DRC8: variants seen among roughly 807,000 people sequenced by gnomAD.
DRC8 encodes the protein dynein regulatory complex subunit 8, also known as dynein regulatory complex protein 8.
chr1:245,121,215 G>A, the DRC8 span, among the ~76,000 whole-genome samples: 1 of 152,316 alleles, frequency 6.6e-6, no homozygotes, highest in East Asian at 1.9e-4. Flanking sequence ...ATACGGAGGT[G>A]TATTTGCAGT....
chr1:245,035,994 C>G, the DRC8 span, among the ~76,000 whole-genome samples: 1 of 152,100 alleles, frequency 6.6e-6, no homozygotes, highest in Non-Finnish European at 1.5e-5. Flanking sequence ...GGTTTCTTAG[C>G]TATGATACCT....
the DRC8 span, among the ~76,000 whole-genome samples, chr1:245,110,823 C>A: frequency 6.6e-6 from 1 of 152,230 alleles, no homozygotes; most frequent in African/African-American, 2.4e-5. Context: ...GCCTCCTCAC[C>A]CTTTGTTCCT....
At chr1:245,100,049 C>A in the DRC8 span, among the ~76,000 whole-genome samples, 1 of 152,078 alleles carries the variant, frequency 6.6e-6, no homozygotes, top group Non-Finnish European at 1.5e-5. Context: ...AAAATAAAGG[C>A]TCTTAAAAAT....
At chr1:245,072,353 C>T in the DRC8 span, among the ~76,000 whole-genome samples, 1 of 152,180 alleles carries the variant, frequency 6.6e-6, no homozygotes, top group African/African-American at 2.4e-5. Context: ...AGTTCTCCCA[C>T]CTCAGCTTCC....
At chr1:245,101,795 G>C in the DRC8 span, among the ~76,000 whole-genome samples, 1 of 151,964 alleles carries the variant, frequency 6.6e-6, no homozygotes, top group East Asian at 1.9e-4. Context: ...ATGAATATTT[G>C]GTATATTTCA....
chr1:245,009,628 C>T, the DRC8 span, among the ~76,000 whole-genome samples: 226 of 151,824 alleles, frequency 1.5e-3, 1 homozygote, highest in African/African-American at 5.0e-3. Context: ...CCATCATGCC[C>T]GGCTAATTTT....
At chr1:245,022,000 A>T in the DRC8 span, among the ~76,000 whole-genome samples, 1 of 152,138 alleles carries the variant, frequency 6.6e-6, no homozygotes, top group Admixed American at 6.5e-5. Flanking sequence ...TATGTTCCAT[A>T]TCGATCTCTT....
At chr1:244,979,451 A>G in the DRC8 span, among the ~76,000 whole-genome samples, 3 of 151,744 alleles carry the variant, frequency 2.0e-5, no homozygotes, top group African/African-American at 7.3e-5. Context: ...GATTACAGAC[A>G]TGTGCCACCA....
At chr1:245,063,339 A>C in the DRC8 span, among the ~76,000 whole-genome samples, 668 of 152,250 alleles carry the variant, frequency 4.4e-3, 1 homozygote, top group African/African-American at 0.015. Context: ...ATTCTTGCTT[A>C]TCCAGTTTTA....
the DRC8 span, among the ~76,000 whole-genome samples, chr1:245,073,094 C>G: frequency 6.6e-6 from 1 of 152,104 alleles, no homozygotes; most frequent in African/African-American, 2.4e-5. Context: ...AAACTATGAA[C>G]TTTGGGTAAT....
At chr1:245,050,219 C>T in the DRC8 span, among the ~76,000 whole-genome samples, 16 of 152,226 alleles carry the variant, frequency 1.1e-4, no homozygotes, top group South Asian at 2.7e-3. Flanking sequence ...TTCTTATCCC[C>T]GTTGTCTTTT....
chr1:245,057,668 G>A, the DRC8 span, among the ~76,000 whole-genome samples: 2 of 149,722 alleles, frequency 1.3e-5, no homozygotes, highest in Non-Finnish European at 3.0e-5. Context: ...TTAAAAAGTC[G>A]ATATATCATG....
the DRC8 span, among the ~76,000 whole-genome samples, chr1:245,086,184 A>G: frequency 6.6e-6 from 1 of 152,368 alleles, no homozygotes; most frequent in South Asian, 2.1e-4. Context: ...ATATGTTTTC[A>G]ATTATTCACT....
chr1:245,108,613 G>T, the DRC8 span, among the ~76,000 whole-genome samples: 4 of 152,066 alleles, frequency 2.6e-5, no homozygotes, highest in Non-Finnish European at 5.9e-5. Context: ...CTTTGATCCA[G>T]CCTTTCACTG....
At chr1:244,983,304 A>T in the DRC8 span, among the ~76,000 whole-genome samples, 23 of 152,254 alleles carry the variant, frequency 1.5e-4, no homozygotes, top group African/African-American at 4.6e-4. Flanking sequence ...ACTTGAGATG[A>T]TATTGAATAT....
the DRC8 span, among the ~76,000 whole-genome samples, chr1:245,037,881 C>A: frequency 6.6e-6 from 1 of 151,916 alleles, no homozygotes; most frequent in Non-Finnish European, 1.5e-5. Flanking sequence ...AAATAAGACT[C>A]ATTTACAATA....
chr1:245,055,786 G>C, the DRC8 span, among the ~76,000 whole-genome samples: 143,999 of 152,316 alleles, frequency 0.95, 68,445 homozygotes, highest in Non-Finnish European at 1. Context: ...TCTTCTTGCC[G>C]CTCGCTGCCT....
At chr1:244,984,086 C>G in the DRC8 span, among the ~76,000 whole-genome samples, 1 of 151,750 alleles carries the variant, frequency 6.6e-6, no homozygotes, top group Admixed American at 6.6e-5. Flanking sequence ...TCCTGAGTAG[C>G]TGGGACTACA....
At chr1:244,975,883 A>AT in the DRC8 span, among the ~76,000 whole-genome samples, 2 of 152,096 alleles carry the variant, frequency 1.3e-5, no homozygotes, top group Admixed American at 6.6e-5. Flanking sequence ...AAATAAATAA[A>AT]AAATACAATA....
Sources: gnomAD v4.1 joint callset for allele counts (sites outside exome capture counted in the v4.1 genomes callset) on GRCh38, gnomAD v4.1.1 for gene constraint, MANE v1.5 for transcripts, NCBI Gene and HGNC (gene_info 2026-07-23, HGNC 2026-07-21) for gene names.